Variants in TTC34 observed in about 807,000 individuals in gnomAD.
TTC34 encodes tetratricopeptide repeat domain 34.
TTC34 carries 44 observed loss-of-function variants against 40.7 expected under a neutral mutation model. That is an observed-to-expected ratio of 1.08 (90% confidence interval 0.85 to 1.39). The LOEUF (loss-of-function observed/expected upper bound fraction) is 1.39, where lower values mean the gene tolerates loss of function less well. TTC34 is among the 40% of genes most tolerant of loss of function. The probability of loss-of-function intolerance (pLI) is 0.00; values close to 1 mark genes in which losing one functional copy is unlikely to be tolerated. For synonymous variants in TTC34, 422 were observed against 398.6 expected, an observed-to-expected ratio of 1.06 and a Z score of -0.70; for missense variants, 884 against 838.0, an observed-to-expected ratio of 1.05 and a Z score of -0.68.
chr1:2,673,440 A>T (rs1228534447), intron 6 of TTC34, among the ~76,000 whole-genome samples: 1 of 81,010 alleles, frequency 1.2e-5, no homozygotes, highest in Non-Finnish European at 3.0e-5. Flanking sequence ...TGACACCCAC[A>T]GGTGAGCATC....
At chr1:2,772,977 C>G (rs1642507661) in intron 6 of TTC34, among the ~76,000 whole-genome samples, 1 of 127,338 alleles carries the variant, frequency 7.9e-6, no homozygotes, top group Non-Finnish European at 1.8e-5. Flanking sequence ...AGCATGCACA[C>G]CCCCAGGCGA....
At chr1:2,673,397 C>A (rs1639772099) in intron 6 of TTC34, among the ~76,000 whole-genome samples, 1 of 79,020 alleles carries the variant, frequency 1.3e-5, no homozygotes, top group Non-Finnish European at 3.0e-5. Context: ...CACCCACACC[C>A]CCAGGTGAGC....
At chr1:2,778,372 G>A (rs932772526) in intron 6 of TTC34, among the ~76,000 whole-genome samples, 1 of 152,316 alleles carries the variant, frequency 6.6e-6, no homozygotes, top group East Asian at 1.9e-4. Flanking sequence ...GCAGGGCCCC[G>A]GGGCTGTGGC....
chr1:2,801,016 C>G, intron 1 of TTC34, 148 bp from the exon 2 acceptor site: 1 of 397,502 alleles, frequency 2.5e-6, no homozygotes, highest in Non-Finnish European at 4.4e-6. Context: ...TGGGGGGATC[C>G]TGGGCTGGTG....
chr1:2,751,480 C>T (rs1641317474), intron 6 of TTC34, among the ~76,000 whole-genome samples: 1 of 110,380 alleles, frequency 9.1e-6, no homozygotes, highest in African/African-American at 4.1e-5. Context: ...TGGAACTGCA[C>T]CCCCATGCCC....
chr1:2,682,080 T>A (rs1383415098), intron 6 of TTC34, among the ~76,000 whole-genome samples: 1 of 128,364 alleles, frequency 7.8e-6, no homozygotes, highest in Non-Finnish European at 1.6e-5. Flanking sequence ...CAGGTGAGCA[T>A]CTGACAGCCT....
At chr1:2,756,669 C>G (rs1641516652) in intron 6 of TTC34, among the ~76,000 whole-genome samples, 169 of 147,112 alleles carry the variant, frequency 1.1e-3, no homozygotes, top group East Asian at 1.8e-3. Context: ...ACCCACACCC[C>G]CAGGTGAGCA....
intron 5 of TTC34, among the ~76,000 whole-genome samples, 156 bp from the exon 6 acceptor site, chr1:2,783,931 G>A (rs1643532883): frequency 6.6e-6 from 1 of 152,130 alleles, no homozygotes; most frequent in Admixed American, 6.5e-5. Flanking sequence ...ACAGAGACAG[G>A]GTGGACTTGG....
In TTC34 at chr1:2,758,451, A is replaced by C. The variant is rs1259250201; in HGVS notation, c.2226+25158T>G. On this transcript the variant is annotated intron_variant, in intron 6 of 8. Coordinates refer to ENST00000401095, the Ensembl canonical transcript of TTC34. ...GCTCCCTGCACCCCCAGGTGCGCAC[A>C]TGACAGCCTGGAAGAGCACCCACAC... Among the ~76,000 whole-genome samples the C allele has an allele frequency of 1.4e-3, 65 of 45,166 alleles. 5 individuals carry two copies. Among genetic ancestry groups the C allele is most frequent in the Middle Eastern group, 0.016 (1 of 64 alleles). The allele number at this position is 45,166 out of a possible 152,430, so 29.6% of individuals were successfully genotyped here. A position where few individuals can be genotyped will look rare whatever the true frequency, so the allele number is the denominator to read the frequency against.
chr1:2,695,221 A>AGCAGCACCCACAAC, intron 6 of TTC34, among the ~76,000 whole-genome samples: 1 of 77,958 alleles, frequency 1.3e-5, no homozygotes. Flanking sequence ...GACAGCCTGG[A>AGCAGCACCCACAAC]ATAGGTCCCT....
chr1:2,652,434 A>G (rs547759161), intron 6 of TTC34, among the ~76,000 whole-genome samples: 1 of 152,032 alleles, frequency 6.6e-6, no homozygotes, highest in East Asian at 1.9e-4. Flanking sequence ...AGCCTGGAAC[A>G]GCACCCACAC....
At position 2,650,750 on chromosome 1, in the gene TTC34, A is replaced by C. The variant is rs1229921785; in HGVS notation, c.2227-5187T>G. 2.0e-5 allele frequency among the ~76,000 whole-genome samples: 3 copies of C among 151,198 alleles called. No individual in the cohort carries two copies. In the East Asian group the frequency reaches 5.9e-4, roughly 30 times the overall value. On this transcript the variant is annotated intron_variant, in intron 6 of 8. Transcript: ENST00000401095. Reference sequence around the variant, plus strand: ...AACGTAGAATGTCACCCTGACCCCCAGGTGAGCATCTGAAACCCTGGATCA... The same window carrying C: ...AACGTAGAATGTCACCCTGACCCCCCGGTGAGCATCTGAAACCCTGGATCA...
chr1:2,640,865 G>C (rs1450834904), exon 9 of TTC34: 1 of 151,366 alleles, frequency 6.6e-6, no homozygotes, highest in Non-Finnish European at 1.5e-5. Context: ...GGCCCCAACT[G>C]CAGGGACCAG....
chr1:2,749,520 AGATTCCCAGGCAAGCATCTGAACG>A (rs1641248920), intron 6 of TTC34, among the ~76,000 whole-genome samples: 1 of 67,490 alleles, frequency 1.5e-5, no homozygotes, highest in African/African-American at 1.1e-4. Context: ...AGCAGCACCC[AGATTCCCAGGCAAGCATCTGAACG>A]CAAATAGCAG....
exon 9 of TTC34, chr1:2,641,887 G>A (rs921152792): frequency 2.0e-6 from 3 of 1,482,522 alleles, no homozygotes; most frequent in African/African-American, 2.8e-5. Context: ...CGGCTTCCTG[G>A]GCCGCCGCCT....
intron 8 of TTC34, 59 bp from the exon 9 acceptor site, chr1:2,641,954 G>GC: frequency 7.0e-7 from 1 of 1,425,542 alleles, no homozygotes; most frequent in Non-Finnish European, 9.2e-7. Context: ...AAGCCCGGCC[G>GC]CCCCTGCCCT....
At chr1:2,648,954 A>G (rs1639073266) in intron 6 of TTC34, among the ~76,000 whole-genome samples, 1 of 149,398 alleles carries the variant, frequency 6.7e-6, no homozygotes, top group Non-Finnish European at 1.5e-5. Context: ...CTGGAACAGC[A>G]CCCCACACCC....
At position 2,681,579 on chromosome 1, in the gene TTC34, T is replaced by G. The variant is rs78552404; in HGVS notation, c.2227-36016A>C. Among the ~76,000 whole-genome samples the G allele has an allele frequency of 5.6e-5, 2 of 35,816 alleles. 1 individual carries two copies. The highest frequency in any genetic ancestry group is 1.2e-4 in the Non-Finnish European group (2 of 16,558). The allele number at this position is 35,816 out of a possible 152,430, so 23.5% of individuals were successfully genotyped here. A position where few individuals can be genotyped will look rare whatever the true frequency, so the allele number is the denominator to read the frequency against. ...GCGCATCTGATGGTCTGGAGCAGCA[T>G]CCACACCCACAGGTGAGCATCAGAC... On this transcript the variant is annotated intron_variant, in intron 6 of 8. Transcript: ENST00000401095.
intron 6 of TTC34, among the ~76,000 whole-genome samples, chr1:2,653,995 G>C (rs1570757561): frequency 3.5e-4 from 53 of 151,938 alleles, no homozygotes; most frequent in Non-Finnish European, 5.3e-4. Flanking sequence ...GGAGAGTCTG[G>C]AGCAGTGCCC....
Sources: allele counts gnomAD v4.1 joint callset (sites outside exome capture counted in the v4.1 genomes callset), GRCh38; gene constraint gnomAD v4.1.1; transcripts MANE v1.5; gene names NCBI Gene and HGNC (gene_info 2026-07-23, HGNC 2026-07-21).